CAST: variants seen among roughly 807,000 people sequenced by gnomAD.
CAST encodes the protein calpastatin, also known as MIR583 host.
A neutral mutation model predicts 119.6 loss-of-function variants in CAST; 76 were observed. The ratio of observed to expected loss-of-function variants is 0.64; its 90% confidence interval spans 0.53 to 0.77. CAST has a LOEUF of 0.77. Ranked by LOEUF, CAST falls within the 30% of genes least tolerant of loss-of-function variation. The pLI, the probability that CAST is intolerant of heterozygous loss-of-function variation, is 0.00. For synonymous variants in CAST, 319 were observed against 331.6 expected (o/e 0.96, Z 0.41); for missense variants, 953 against 946.5 (o/e 1.01, Z -0.09).
the CAST span, among the ~76,000 whole-genome samples, chr5:96,133,292 A>C: frequency 6.7e-6 from 1 of 149,844 alleles, no homozygotes; most frequent in African/African-American, 2.5e-5. Flanking sequence ...AAACGCTTTG[A>C]GAAAAAAAAA....
the CAST span, among the ~76,000 whole-genome samples, chr5:96,107,656 A>AT: frequency 1.7e-4 from 26 of 151,760 alleles, no homozygotes; most frequent in Non-Finnish European, 3.5e-4. Flanking sequence ...TGCCCTTAAC[A>AT]TTTTTTCCTT....
At chr5:96,129,940 T>A in the CAST span, among the ~76,000 whole-genome samples, 1 of 152,036 alleles carries the variant, frequency 6.6e-6, no homozygotes, top group Non-Finnish European at 1.5e-5. Flanking sequence ...TAATTGTACT[T>A]TGTTGAAATC....
At chr5:96,043,066 A>C in the CAST span, among the ~76,000 whole-genome samples, 1 of 152,146 alleles carries the variant, frequency 6.6e-6, no homozygotes, top group Non-Finnish European at 1.5e-5. Flanking sequence ...AAATTTATAA[A>C]ATTTGTTTAT....
chr5:96,393,250 C>T, the CAST span: 3 of 1,613,960 alleles, frequency 1.9e-6, no homozygotes, highest in Non-Finnish European at 1.7e-6. Context: ...AAGCACTTTG[C>T]AGGAGTCGCA....
At chr5:96,300,742 C>T in the CAST span, among the ~76,000 whole-genome samples, 5 of 144,664 alleles carry the variant, frequency 3.5e-5, no homozygotes, top group Non-Finnish European at 6.1e-5. Flanking sequence ...GGATATCTTT[C>T]TATTTATTTG....
the CAST span, among the ~76,000 whole-genome samples, chr5:96,511,816 T>TA: frequency 6.6e-6 from 1 of 152,190 alleles, no homozygotes; most frequent in Non-Finnish European, 1.5e-5. Flanking sequence ...TCACCCTAGA[T>TA]TTATCTGAGT....
At chr5:96,615,694 G>A (rs1747442018) in intron 1 of CAST, among the ~76,000 whole-genome samples, 1 of 152,128 alleles carries the variant, frequency 6.6e-6, no homozygotes, top group East Asian at 1.9e-4. Flanking sequence ...ATTATTTAAT[G>A]GTTCTTGCTT....
chr5:96,288,356 G>A, the CAST span, among the ~76,000 whole-genome samples: 5 of 152,044 alleles, frequency 3.3e-5, no homozygotes, highest in Admixed American at 3.3e-4. Context: ...CATGCTACTG[G>A]TGAGGTACAG....
intron 17 of CAST, among the ~76,000 whole-genome samples, chr5:96,746,876 A>G (rs1185296984): frequency 6.6e-6 from 1 of 152,204 alleles, no homozygotes; most frequent in Non-Finnish European, 1.5e-5. Context: ...AACTCCTGTC[A>G]TTACATTTGT....
chr5:96,534,739 G>GAAAGAGAAAGAGAA (rs1554066252), intron 1 of CAST, among the ~76,000 whole-genome samples: 6 of 22,672 alleles, frequency 2.6e-4, no homozygotes, highest in Admixed American at 5.2e-4. Context: ...GAGAGAGAGA[G>GAAAGAGAAAGAGAA]AGAAAGAAAG....
At chr5:96,152,936 A>G in the CAST span, among the ~76,000 whole-genome samples, 6 of 152,338 alleles carry the variant, frequency 3.9e-5, no homozygotes, top group Non-Finnish European at 8.8e-5. Flanking sequence ...GATGTATTTA[A>G]AAATCAAGTT....
the CAST span, among the ~76,000 whole-genome samples, chr5:96,028,707 A>G: frequency 2.0e-5 from 3 of 152,124 alleles, no homozygotes; most frequent in Non-Finnish European, 2.9e-5. Flanking sequence ...AGCAGAAATA[A>G]GTCTTGCTAA....
At chr5:96,568,998 C>A (rs2150186630) in intron 1 of CAST, among the ~76,000 whole-genome samples, 1 of 152,268 alleles carries the variant, frequency 6.6e-6, no homozygotes, top group African/African-American at 2.4e-5. Context: ...CTGCTCAGAC[C>A]AACTCTTCTC....
At chr5:95,999,219 T>C in the CAST span, among the ~76,000 whole-genome samples, 1 of 152,200 alleles carries the variant, frequency 6.6e-6, no homozygotes. Context: ...TTAATATAAA[T>C]GGAATTATGT....
rs114473193 is a variant in CAST, at chr5:96,688,335, G to A, written c.139-7501G>A. 6.8e-3 allele frequency among the ~76,000 whole-genome samples: 1,036 copies of A among 152,214 alleles called. 2 individuals are homozygous for A. Among genetic ancestry groups the A allele is most frequent in the Non-Finnish European group, 0.011 (750 of 67,998 alleles). The stretch of plus-strand genomic sequence containing the variant: ...TTAGAAATGTGGAACAAGTGACTGC[G>A]TCATAAATAAGAAAAGCCTTTTTGA... On this transcript the variant is annotated intron_variant, in intron 2 of 31. Coordinates refer to ENST00000675179, the MANE Select transcript of CAST (RefSeq NM_001750.7).
At chr5:96,729,361 T>C in intron 7 of CAST, 152 bp downstream of exon 7, 1 of 623,964 alleles carries the variant, frequency 1.6e-6, no homozygotes, top group South Asian at 2.0e-5. Flanking sequence ...GCAATAGCAG[T>C]GTTTACAATT....
chr5:96,308,526 G>C, the CAST span, among the ~76,000 whole-genome samples: 2 of 152,008 alleles, frequency 1.3e-5, no homozygotes, highest in African/African-American at 4.8e-5. Context: ...CTTTGCGGGA[G>C]AGGAGGCGTT....
rs1763841986 is a variant in CAST, at chr5:96,746,764, G to A, written c.1284+339G>A. The stretch of plus-strand genomic sequence containing the variant: ...CTGCTATATGGATAAAAGCACCATA[G>A]GTCTTCTGAGGGGTAGATATGAATG... On this transcript the variant is annotated intron_variant, in intron 17 of 31. Coordinates refer to ENST00000675179, the MANE Select transcript of CAST (RefSeq NM_001750.7). Among the ~76,000 whole-genome samples, 3 of 152,166 alleles carry A rather than the reference G, an allele frequency of 2.0e-5. No homozygotes were observed. The South Asian group carries it at 6.2e-4, about 32-fold the overall frequency.
At chr5:96,059,150 A>G in the CAST span, among the ~76,000 whole-genome samples, 1 of 151,968 alleles carries the variant, frequency 6.6e-6, no homozygotes, top group Admixed American at 6.6e-5. Flanking sequence ...AACTGCACCT[A>G]CCTTCCTTGG....
Sources: allele counts gnomAD v4.1 joint callset (sites outside exome capture counted in the v4.1 genomes callset), GRCh38; gene constraint gnomAD v4.1.1; transcripts MANE v1.5; gene names NCBI Gene and HGNC (gene_info 2026-07-23, HGNC 2026-07-21).